Variants in SH3PXD2B observed in about 807,000 individuals in gnomAD.
The protein encoded by SH3PXD2B is SH3 and PX domains 2B.
SH3PXD2B carries 37 observed loss-of-function variants against 73.1 expected under a neutral mutation model. The ratio of observed to expected loss-of-function variants is 0.51; its 90% CI spans 0.39 to 0.67. The LOEUF (loss-of-function observed/expected upper bound fraction) is 0.67, where lower values mean the gene tolerates loss of function less well. SH3PXD2B is among the 30% of genes least tolerant of loss of function. The probability of loss-of-function intolerance (pLI) is 0.00; values close to 1 mark genes in which losing one functional copy is unlikely to be tolerated. For synonymous variants in SH3PXD2B, 457 were observed against 480.5 expected (o/e 0.95, Z 0.64); for missense variants, 1,053 against 1,197.8 (o/e 0.88, Z 1.78).
chr5:172,395,170 T>A (rs1478281830), intron 3 of SH3PXD2B, among the ~76,000 whole-genome samples: 1 of 152,146 alleles, frequency 6.6e-6, no homozygotes, highest in East Asian at 1.9e-4. Flanking sequence ...CCATCCCTCA[T>A]AGGGGTTAAG....
chr5:172,410,922 T>G (rs1395515749), intron 2 of SH3PXD2B, among the ~76,000 whole-genome samples: 1 of 152,204 alleles, frequency 6.6e-6, no homozygotes, highest in Non-Finnish European at 1.5e-5. Context: ...CTAAGTGGTG[T>G]GTCCAGCCAG....
chr5:172,377,117 A>G (rs952277186), intron 5 of SH3PXD2B, among the ~76,000 whole-genome samples: 1 of 152,146 alleles, frequency 6.6e-6, no homozygotes, highest in African/African-American at 2.4e-5. Context: ...TCCCAGCCAG[A>G]GCAGAGGAGT....
intron 3 of SH3PXD2B, among the ~76,000 whole-genome samples, chr5:172,397,042 C>T (rs954051832): frequency 2.8e-4 from 43 of 152,156 alleles, no homozygotes; most frequent in Non-Finnish European, 6.0e-4. Flanking sequence ...GGAACAGAGC[C>T]ATATTTCTCT....
At chr5:172,400,352 T>C (rs1758397640) in intron 3 of SH3PXD2B, among the ~76,000 whole-genome samples, 1 of 152,210 alleles carries the variant, frequency 6.6e-6, no homozygotes, top group Non-Finnish European at 1.5e-5. Flanking sequence ...TAAAAAACAA[T>C]TGCTCCTCTG....
rs140645910 is a variant in SH3PXD2B at position 172,339,593 on chromosome 5, C to T, written c.1512G>A (p.Ala504=). The part of the protein sequence containing the change: ...VLRKASSDMS[A]SAGYEEISDP... ...CTGAGATCTCCTCGTAGCCTGCTGA[C>T]GCAGACATGTCTGAAGATGCCTTCC... Residue 504 remains alanine (A), a synonymous_variant, in exon 13 of 13, where the codon GCG becomes GCA. Transcript: ENST00000311601. This position sits in a 1 kb window ranked among gnomAD's most constrained non-coding sequence, Gnocchi z 6.1. 991 of 1,614,124 alleles carry T rather than the reference C, an allele frequency of 6.1e-4. 1 individual carries two copies. Among genetic ancestry groups the T allele is most frequent in the Non-Finnish European group, 7.7e-4 (906 of 1,180,048 alleles).
intron 6 of SH3PXD2B, among the ~76,000 whole-genome samples, chr5:172,372,323 G>A (rs1217327176): frequency 6.6e-6 from 1 of 152,010 alleles, no homozygotes; most frequent in Non-Finnish European, 1.5e-5. Context: ...TTAAAAGTGT[G>A]TAGCACTGCC....
chr5:172,357,740 C>T (rs950090779), intron 8 of SH3PXD2B, among the ~76,000 whole-genome samples: 1 of 152,180 alleles, frequency 6.6e-6, no homozygotes, highest in Non-Finnish European at 1.5e-5. Flanking sequence ...AAACACAGAG[C>T]AAACCAACAG....
intron 3 of SH3PXD2B, among the ~76,000 whole-genome samples, chr5:172,403,437 A>G (rs1174046155): frequency 6.6e-6 from 1 of 152,102 alleles, no homozygotes; most frequent in East Asian, 1.9e-4. Flanking sequence ...CTTGAGGAAA[A>G]GCTAAGAGGT....
At chr5:172,328,126 T>C (rs1280359557) in intron 12 of SH3PXD2B, among the ~76,000 whole-genome samples, 1 of 151,226 alleles carries the variant, frequency 6.6e-6, no homozygotes, top group Non-Finnish European at 1.5e-5. Context: ...TGATTTTTTT[T>C]TTTTTTTTTT....
chr5:172,341,156 T>C (rs1210922841), intron 12 of SH3PXD2B, among the ~76,000 whole-genome samples: 1 of 152,170 alleles, frequency 6.6e-6, no homozygotes. Context: ...ATGGGCTGAA[T>C]TGTGTCCCCC....
intron 7 of SH3PXD2B, 77 bp downstream of exon 7, chr5:172,362,658 T>C: frequency 1.2e-6 from 2 of 1,609,882 alleles, no homozygotes; most frequent in Admixed American, 1.7e-5. Context: ...CATTTCAGTT[T>C]CTGAGTTTCC....
rs772313508 is a variant in SH3PXD2B at position 172,339,477 on chromosome 5, C to T, written c.1628G>A (p.Arg543Gln). Residue 543 changes from arginine to glutamine, a missense_variant, in exon 13 of 13, where the codon CGG (arginine) becomes CAG (glutamine). Arg to Gln is a conservative substitution (Grantham distance 43, BLOSUM62 1). Coordinates refer to ENST00000311601, the MANE Select transcript of SH3PXD2B (RefSeq NM_001017995.3). The surrounding 1 kb of genome is among the most constrained non-coding windows in gnomAD (Gnocchi z 6.1). ...EGELLERERE[R>Q]QRTEQLRGPT... ...GCCCCGGAGCTGCTCCGTCCTCTGC[C>T]GCTCCCGCTCCCGCTCCAGCAGCTC... 2.0e-5 allele frequency: 32 copies of T among 1,610,548 alleles called. 1 individual carries two copies. The Middle Eastern group carries it at 6.6e-4, about 33-fold the overall frequency.
In SH3PXD2B at chr5:172,337,878, G is replaced by T; in HGVS notation, c.*491C>A. The T allele has an allele frequency of 9.9e-7, 1 of 1,008,882 alleles. No homozygotes were observed. Among genetic ancestry groups the T allele is most frequent in the Non-Finnish European group, 1.2e-6 (1 of 843,434 alleles). 62.5% of individuals were successfully genotyped at this position (1,008,882 alleles called of 1,614,324 possible). ...TTTCTTCAGGATGAAGTTCCTTCTG[G>T]TAGCAGGCAATTTAGGAGGAGTGAA... On this transcript the variant is annotated 3_prime_UTR_variant, in exon 13 of 13. Coordinates refer to ENST00000311601, the MANE Select transcript of SH3PXD2B (RefSeq NM_001017995.3).
In SH3PXD2B at chr5:172,448,370, C is replaced by A. The variant is rs369252966; in HGVS notation, c.75+5908G>T. 7.2e-5 allele frequency among the ~76,000 whole-genome samples: 11 copies of A among 152,184 alleles called. No homozygotes were observed. In the East Asian group the frequency reaches 1.7e-3, roughly 24 times the overall value. On this transcript the variant is annotated intron_variant, in intron 1 of 12. Transcript: ENST00000311601. ...TTGAGTACCTTTATTTTATTTTTGC[C>A]GACAGAGTCTCCCTTTGTCACCCAG... is the stretch of plus-strand genomic sequence containing the variant.
Position 172,379,289 on chromosome 5 carries a change from C to A in SH3PXD2B, c.401+2747G>T, listed in dbSNP as rs1177149491. ...TTTCAGACCAGCCTGGACAACATAGCCAGACCCTGTCTCTACAAAAAATTA... is the reference window on the plus strand; with the variant it reads ...TTTCAGACCAGCCTGGACAACATAGACAGACCCTGTCTCTACAAAAAATTA... On this transcript the variant is annotated intron_variant, in intron 5 of 12. Transcript: ENST00000311601. Among the ~76,000 whole-genome samples the A allele has an allele frequency of 2.1e-5, 3 of 143,080 alleles. No individual in the cohort carries two copies. The Admixed American group carries it at 2.2e-4, about 10-fold the overall frequency. 93.9% of individuals were successfully genotyped at this position (143,080 alleles called of 152,430 possible).
chr5:172,395,083 C>T (rs551154522), intron 3 of SH3PXD2B, among the ~76,000 whole-genome samples: 6 of 152,256 alleles, frequency 3.9e-5, no homozygotes, highest in Non-Finnish European at 7.4e-5. Flanking sequence ...GCCTTTTCCT[C>T]ATGTTCCCTA....
rs1223210493 is a variant in SH3PXD2B, at chr5:172,368,883, TA to T, written c.427+4906del. 5.4e-3 allele frequency among the ~76,000 whole-genome samples: 706 copies of T among 131,406 alleles called. 4 individuals carry two copies. The highest frequency in any genetic ancestry group is 8.8e-3 in the African/African-American group (292 of 33,216). The allele number at this position is 131,406 out of a possible 152,430, so 86.2% of individuals were successfully genotyped here. ...TATATATGTTTTTAAATATATAATA[TA>T]AAAAAAAATATATATATATATATTT... is the stretch of plus-strand genomic sequence containing the variant. On this transcript the variant is annotated intron_variant, in intron 6 of 12. Coordinates refer to ENST00000311601, the MANE Select transcript of SH3PXD2B (RefSeq NM_001017995.3).
At chr5:172,427,605 T>C (rs1759126575) in intron 1 of SH3PXD2B, among the ~76,000 whole-genome samples, 1 of 152,084 alleles carries the variant, frequency 6.6e-6, no homozygotes, top group South Asian at 2.1e-4. Context: ...CCCACCTCAG[T>C]ATCTCAAAGT....
intron 3 of SH3PXD2B, among the ~76,000 whole-genome samples, chr5:172,397,366 C>T (rs889537858): frequency 9.2e-5 from 14 of 152,276 alleles, no homozygotes; most frequent in East Asian, 3.9e-4. Context: ...AATTTTGCCC[C>T]GGTCCTGTGA....
Sources: gnomAD v4.1 joint callset for allele counts (sites outside exome capture counted in the v4.1 genomes callset) on GRCh38, gnomAD v4.1.1 for gene constraint, Gnocchi (gnomAD v3.1) non-coding constraint, MANE v1.5 for transcripts, NCBI Gene and HGNC (gene_info 2026-07-23, HGNC 2026-07-21) for gene names.